Variants in KBTBD12 observed in about 807,000 individuals in gnomAD.
KBTBD12 encodes the protein kelch repeat and BTB domain containing 12.
In KBTBD12, 53 loss-of-function variants were observed where a neutral mutation model predicts 58.7. That is an observed-to-expected ratio of 0.90 (90% CI 0.72 to 1.14). The LOEUF is 1.14. Among genes scored for constraint, KBTBD12 ranks in the 50% most tolerant of loss-of-function variants. The pLI, the probability that KBTBD12 is intolerant of heterozygous loss-of-function variation, is 0.00. For missense variants in KBTBD12, 704 were observed against 751.3 expected (o/e 0.94, Z 0.74); for synonymous variants, 236 against 259.8 (o/e 0.91, Z 0.88).
At chr3:127,964,281 CAGCAAAGCAGAGCCTTTCGCA>C (rs1466694045) in intron 5 of KBTBD12, among the ~76,000 whole-genome samples, 4 of 152,104 alleles carry the variant, frequency 2.6e-5, no homozygotes, top group Admixed American at 1.3e-4. Context: ...GCTGATACTG[CAGCAAAGCAGAGCCTTTCGCA>C]AGCCTGCCTT....
intron 5 of KBTBD12, among the ~76,000 whole-genome samples, chr3:127,982,464 C>CA (rs1356302225): frequency 1.3e-5 from 2 of 152,146 alleles, no homozygotes; most frequent in Admixed American, 1.3e-4. Flanking sequence ...CTCCTGTCCC[C>CA]ACACCCACTG....
intron 5 of KBTBD12, among the ~76,000 whole-genome samples, chr3:127,974,609 A>G (rs1320734705): frequency 6.6e-6 from 1 of 152,238 alleles, no homozygotes; most frequent in Non-Finnish European, 1.5e-5. Flanking sequence ...TTGCTCAGGG[A>G]CAAGTTCCCT....
rs1940935374 is a variant in KBTBD12 at position 127,984,676 on chromosome 3, C to G, written c.*398C>G. 6.3e-6 allele frequency: 1 copy of G among 157,650 alleles called. No individual in the cohort carries two copies. The highest frequency in any genetic ancestry group is 2.0e-4 in the South Asian group (1 of 5,104). The allele number at this position is 157,650 out of a possible 1,614,324, so 9.8% of individuals were successfully genotyped here. A position where few individuals can be genotyped will look rare whatever the true frequency, so the allele number is the denominator to read the frequency against. On this transcript the variant is annotated 3_prime_UTR_variant, in exon 6 of 6. Coordinates refer to ENST00000405109, the MANE Select transcript of KBTBD12 (RefSeq NM_207335.4). ...TGATGAGTTCATGGAAACAGCCAAG[C>G]AAGGGCCCAGAGACAGAAAGCTCGT...
chr3:127,957,779 T>A (rs1465559564), intron 4 of KBTBD12, among the ~76,000 whole-genome samples: 1 of 152,198 alleles, frequency 6.6e-6, no homozygotes, highest in Admixed American at 6.5e-5. Flanking sequence ...GGGATACAGA[T>A]GTGATTAGAC....
At position 127,963,406 on chromosome 3, in the gene KBTBD12, C is replaced by A. The variant is rs1260004083; in HGVS notation, c.1690+20C>A. Reference sequence around the variant, plus strand: ...GAGCAGGTATGGGTCCAGTTTTAAACATTTTGTTACCTCCTTTGGTGTTGA... The same window carrying A: ...GAGCAGGTATGGGTCCAGTTTTAAAAATTTTGTTACCTCCTTTGGTGTTGA... On this transcript the variant is annotated intron_variant, in intron 5 of 5. Coordinates refer to ENST00000405109, the MANE Select transcript of KBTBD12 (RefSeq NM_207335.4). The A allele has an allele frequency of 6.4e-7, 1 of 1,564,004 alleles. No homozygotes were observed. Among genetic ancestry groups the A allele is most frequent in the South Asian group, 1.2e-5 (1 of 83,418 alleles).
Position 127,915,359 on chromosome 3 carries a change from C to G in KBTBD12, c.-340C>G, listed in dbSNP as rs1939201359. The G allele has an allele frequency of 6.6e-6, 1 of 152,538 alleles. No homozygotes were observed. The highest frequency in any genetic ancestry group is 2.1e-4 in the South Asian group (1 of 4,838). The allele number at this position is 152,538 out of a possible 1,614,324, so 9.4% of individuals were successfully genotyped here. The stretch of plus-strand genomic sequence containing the variant: ...CTGGAGGGCAGCGGCGGCGTGGTCT[C>G]GGGCCACTTCCAAGCAGAGGGCAGC... On this transcript the variant is annotated 5_prime_UTR_variant, in exon 1 of 6. Coordinates refer to ENST00000405109, the MANE Select transcript of KBTBD12 (RefSeq NM_207335.4).
intron 3 of KBTBD12, 93 bp from the exon 4 acceptor site, chr3:127,930,040 C>G (rs145327092): frequency 1.7e-4 from 191 of 1,153,848 alleles, no homozygotes; most frequent in Non-Finnish European, 2.1e-4. Context: ...CTCTATTTAT[C>G]TCCTTGGCTG....
At chr3:127,959,134 C>T (rs1940378832) in intron 4 of KBTBD12, among the ~76,000 whole-genome samples, 1 of 152,184 alleles carries the variant, frequency 6.6e-6, no homozygotes, top group Admixed American at 6.5e-5. Context: ...GAGCTGACAA[C>T]TTGTGTGAGA....
At chr3:127,979,587 A>T (rs1940840476) in intron 5 of KBTBD12, among the ~76,000 whole-genome samples, 1 of 152,256 alleles carries the variant, frequency 6.6e-6, no homozygotes. Flanking sequence ...TTTAAAAATC[A>T]GTTCCTCAGT....
chr3:127,977,835 A>G (rs1016756948), intron 5 of KBTBD12, among the ~76,000 whole-genome samples: 2 of 152,114 alleles, frequency 1.3e-5, no homozygotes, highest in Non-Finnish European at 2.9e-5. Flanking sequence ...GTTTAATTAG[A>G]TCCCATTTGT....
chr3:127,952,148 C>G (rs920775602), intron 4 of KBTBD12, among the ~76,000 whole-genome samples: 10 of 152,176 alleles, frequency 6.6e-5, no homozygotes, highest in Non-Finnish European at 1.3e-4. Context: ...GTACTAAATT[C>G]TAGGTGATTT....
At position 127,986,931 on chromosome 3, in the gene KBTBD12, T is replaced by A. The variant is rs921138367; in HGVS notation, c.*2653T>A. ...CCTGTGGCAGCTCAGCAGAGGCACC[T>A]GAGGGTCACGCTAGGTGAGACCATC... On this transcript the variant is annotated 3_prime_UTR_variant, in exon 6 of 6. Transcript: ENST00000405109. 5 of 152,328 alleles carry A rather than the reference T, an allele frequency of 3.3e-5. No homozygotes were observed. The highest frequency in any genetic ancestry group is 2.0e-4 in the Admixed American group (3 of 15,278). 9.4% of individuals were successfully genotyped at this position (152,328 alleles called of 1,614,324 possible).
chr3:127,976,054 T>C (rs1044200675), intron 5 of KBTBD12, among the ~76,000 whole-genome samples: 1 of 152,232 alleles, frequency 6.6e-6, no homozygotes, highest in Non-Finnish European at 1.5e-5. Flanking sequence ...AATCATGCAA[T>C]ACCCATACAT....
intron 4 of KBTBD12, among the ~76,000 whole-genome samples, chr3:127,931,462 T>TGG (rs1939699237): frequency 6.6e-6 from 1 of 152,048 alleles, no homozygotes; most frequent in South Asian, 2.1e-4. Flanking sequence ...TAACCTATGA[T>TGG]AGATCACCTA....
chr3:127,920,631 T>C (rs1293401331), intron 1 of KBTBD12, among the ~76,000 whole-genome samples: 2 of 152,122 alleles, frequency 1.3e-5, no homozygotes, highest in Non-Finnish European at 2.9e-5. Flanking sequence ...ATAGTAAAGA[T>C]AATGTAAAGA....
intron 4 of KBTBD12, among the ~76,000 whole-genome samples, chr3:127,956,128 A>G (rs1255477376): frequency 6.6e-6 from 1 of 152,234 alleles, no homozygotes; most frequent in East Asian, 1.9e-4. Context: ...TGAATGGCTC[A>G]TTATGTTTTT....
At chr3:127,959,803 C>T (rs1412231519) in intron 4 of KBTBD12, among the ~76,000 whole-genome samples, 1 of 152,224 alleles carries the variant, frequency 6.6e-6, no homozygotes, top group Non-Finnish European at 1.5e-5. Flanking sequence ...TGTCATTATC[C>T]TTAATTTACT....
intron 3 of KBTBD12, among the ~76,000 whole-genome samples, chr3:127,929,183 A>G (rs933695183): frequency 6.6e-6 from 1 of 152,216 alleles, no homozygotes; most frequent in Non-Finnish European, 1.5e-5. Context: ...AAGTTTCTGA[A>G]CAGATAACAT....
At chr3:127,919,880 A>G (rs1185349700) in intron 1 of KBTBD12, among the ~76,000 whole-genome samples, 1 of 152,198 alleles carries the variant, frequency 6.6e-6, no homozygotes, top group African/African-American at 2.4e-5. Flanking sequence ...ACCCTAATGC[A>G]GTTTTTTAAA....
Sources: gnomAD v4.1 joint callset for allele counts (sites outside exome capture counted in the v4.1 genomes callset) on GRCh38, gnomAD v4.1.1 for gene constraint, MANE v1.5 for transcripts, NCBI Gene and HGNC (gene_info 2026-07-23, HGNC 2026-07-21) for gene names.